Variants in DUSP13A observed in about 807,000 individuals in gnomAD.
DUSP13A encodes the protein dual specificity phosphatase 13A.
chr10:75,108,346 G>A, the DUSP13A span: 1 of 1,427,950 alleles, frequency 7.0e-7, no homozygotes. Flanking sequence ...TCCAAGTGGG[G>A]TCTGACTCCA....
chr10:75,107,190 C>G, the DUSP13A span, among the ~76,000 whole-genome samples: 4 of 151,988 alleles, frequency 2.6e-5, no homozygotes, highest in Non-Finnish European at 5.9e-5. Context: ...CAAAAATTAG[C>G]CGGGTATGGT....
chr10:75,105,760 A>G, the DUSP13A span: 1 of 1,552,910 alleles, frequency 6.4e-7, no homozygotes, highest in Non-Finnish European at 8.7e-7. Flanking sequence ...GTGCTGCCTC[A>G]CGGTGATCAC....
At chr10:75,106,635 A>G in the DUSP13A span, among the ~76,000 whole-genome samples, 10 of 152,016 alleles carry the variant, frequency 6.6e-5, no homozygotes, top group Non-Finnish European at 8.8e-5. Context: ...AGCCCTCCAC[A>G]CTGGCCCACT....
chr10:75,109,111 G>C, the DUSP13A span: 1 of 1,611,548 alleles, frequency 6.2e-7, no homozygotes, highest in Non-Finnish European at 8.5e-7. Flanking sequence ...GGGGCAAGGC[G>C]TGGCTTTGTC....
the DUSP13A span, among the ~76,000 whole-genome samples, chr10:75,106,101 C>CTTTTTTT: frequency 2.4e-5 from 3 of 123,020 alleles, no homozygotes; most frequent in South Asian, 2.6e-4. Flanking sequence ...TCTTTCTTTT[C>CTTTTTTT]TTTTTTTTTT....
At chr10:75,105,819 C>T in the DUSP13A span, 3 of 1,550,936 alleles carry the variant, frequency 1.9e-6, no homozygotes, top group Non-Finnish European at 2.6e-6. Flanking sequence ...AGGCCAGGAC[C>T]AGCGTGGCAG....
chr10:75,108,148 C>T, the DUSP13A span: 17 of 1,612,872 alleles, frequency 1.1e-5, no homozygotes, highest in Admixed American at 1.0e-4. Flanking sequence ...CCCTTGTGGG[C>T]GGCGTTCAGC....
the DUSP13A span, chr10:75,108,145 G>A: frequency 6.2e-7 from 1 of 1,613,184 alleles, no homozygotes; most frequent in East Asian, 2.2e-5. Context: ...AGGCCCTTGT[G>A]GGCGGCGTTC....
the DUSP13A span, chr10:75,108,018 A>G: frequency 5.0e-5 from 81 of 1,613,306 alleles, no homozygotes; most frequent in African/African-American, 9.5e-4. Flanking sequence ...GGCACGGTGG[A>G]TGAAGTCAGC....
chr10:75,107,589 C>T, the DUSP13A span, among the ~76,000 whole-genome samples: 8 of 150,406 alleles, frequency 5.3e-5, no homozygotes, highest in South Asian at 4.2e-4. Flanking sequence ...TTTTTTTTGG[C>T]GGGGGGGGAT....
the DUSP13A span, chr10:75,107,934 G>A: frequency 1.3e-6 from 2 of 1,530,118 alleles, no homozygotes; most frequent in African/African-American, 2.7e-5. Context: ...GAGAGGAAAT[G>A]AGGCATCCTC....
chr10:75,105,959 C>T, the DUSP13A span: 252 of 1,205,912 alleles, frequency 2.1e-4, 1 homozygote, highest in East Asian at 6.1e-3. Flanking sequence ...CCTGACCCTG[C>T]CTTGGGTGCA....
the DUSP13A span, chr10:75,109,073 G>A: frequency 9.3e-6 from 15 of 1,611,822 alleles, no homozygotes; most frequent in South Asian, 3.3e-5. Context: ...TTCCCTGCCC[G>A]CAGGAGCTCC....
the DUSP13A span, chr10:75,109,142 G>A: frequency 3.7e-6 from 6 of 1,600,384 alleles, no homozygotes; most frequent in Non-Finnish European, 4.3e-6. Context: ...AGCTCTGGGA[G>A]AGAGGTCTCA....
the DUSP13A span, among the ~76,000 whole-genome samples, chr10:75,106,484 G>T: frequency 1.1e-4 from 17 of 152,170 alleles, no homozygotes; most frequent in African/African-American, 3.9e-4. Flanking sequence ...TCCTCCACAG[G>T]CTTTCTTGAC....
At chr10:75,108,971 G>T in the DUSP13A span, 1 of 1,559,032 alleles carries the variant, frequency 6.4e-7, no homozygotes, top group African/African-American at 1.4e-5. Context: ...GCCTCTCCAC[G>T]TCCCCACCCC....
chr10:75,105,743 C>T, the DUSP13A span: 9 of 1,554,342 alleles, frequency 5.8e-6, no homozygotes, highest in East Asian at 2.2e-4. Flanking sequence ...TTGGGGAAGA[C>T]CCATCGGTGC....
At chr10:75,105,698 G>A in the DUSP13A span, 44 of 1,550,906 alleles carry the variant, frequency 2.8e-5, no homozygotes, top group Admixed American at 1.9e-4. Flanking sequence ...CGCAGTTGCT[G>A]GTCCAGCCTG....
At chr10:75,106,371 A>G in the DUSP13A span, among the ~76,000 whole-genome samples, 2 of 151,706 alleles carry the variant, frequency 1.3e-5, no homozygotes, top group Admixed American at 1.3e-4. Flanking sequence ...TCTGACCTCC[A>G]GCCTTACCAC....
Sources: allele counts gnomAD v4.1 joint callset (sites outside exome capture counted in the v4.1 genomes callset), GRCh38; gene constraint gnomAD v4.1.1; transcripts MANE v1.5; gene names NCBI Gene and HGNC (gene_info 2026-07-23, HGNC 2026-07-21).